The following TRDN variants were observed in gnomAD, a reference collection of about 807,000 sequenced individuals.
TRDN encodes the protein triadin in skeletal muscle.
Under a neutral mutation model 149.7 loss-of-function variants are expected in TRDN, and 161 were observed. That is an observed-to-expected ratio of 1.08 (90% CI 0.95 to 1.23). TRDN has a LOEUF of 1.23. TRDN is among the 50% of genes most tolerant of loss of function. The pLI, the probability that TRDN is intolerant of heterozygous loss-of-function variation, is 0.00. For synonymous variants in TRDN, 294 were observed against 250.5 expected, an observed-to-expected ratio of 1.17 and a Z score of -1.64; for missense variants, 896 against 823.5, an observed-to-expected ratio of 1.09 and a Z score of -1.08.
intron 24 of TRDN, among the ~76,000 whole-genome samples, chr6:123,311,742 G>A (rs1778830712): frequency 6.6e-6 from 1 of 151,976 alleles, no homozygotes; most frequent in South Asian, 2.1e-4. Context: ...TATTATTGAA[G>A]ATGTCATCTT....
At chr6:123,607,459 T>G (rs977210475) in intron 1 of TRDN, among the ~76,000 whole-genome samples, 1 of 152,198 alleles carries the variant, frequency 6.6e-6, no homozygotes, top group Non-Finnish European at 1.5e-5. Flanking sequence ...CAGATTACAT[T>G]AATTTAGAAG....
intron 18 of TRDN, 79 bp from the exon 19 acceptor site, chr6:123,375,710 C>A: frequency 1.7e-6 from 2 of 1,154,598 alleles, no homozygotes; most frequent in Non-Finnish European, 1.2e-6. Flanking sequence ...GTAAGGTTAT[C>A]TTAATTGTTT....
chr6:123,524,152 T>C (rs543676227), intron 5 of TRDN, among the ~76,000 whole-genome samples: 1 of 152,112 alleles, frequency 6.6e-6, no homozygotes. Context: ...CTGGCAACAA[T>C]GGCTTCTAGA....
At chr6:123,485,406 T>A (rs537446866) in intron 9 of TRDN, among the ~76,000 whole-genome samples, 1 of 152,188 alleles carries the variant, frequency 6.6e-6, no homozygotes, top group African/African-American at 2.4e-5. Flanking sequence ...GATCATCAAA[T>A]TTTTTTTCAT....
intron 1 of TRDN, among the ~76,000 whole-genome samples, chr6:123,635,842 T>G (rs1044497274): frequency 6.6e-6 from 1 of 151,958 alleles, no homozygotes. Context: ...AACCAGACTG[T>G]GTCTGTATTC....
At position 123,304,318 on chromosome 6, in the gene TRDN, T is replaced by A. The variant is rs186575555; in HGVS notation, c.1510+12139A>T. Among the ~76,000 whole-genome samples, 514 of 149,166 alleles carry A rather than the reference T, an allele frequency of 3.4e-3. 4 individuals are homozygous for A. Among genetic ancestry groups the A allele is most frequent in the Non-Finnish European group, 6.4e-3 (431 of 67,378 alleles). On this transcript the variant is annotated intron_variant, in intron 24 of 40. Transcript: ENST00000334268. ...GCCAGACTGGAGTGCAGTGGCGCCA[T>A]CTCAGCTCACTGCAACCTCCGCCTC...
At chr6:123,450,876 G>T (rs1380599095) in intron 10 of TRDN, among the ~76,000 whole-genome samples, 1 of 151,948 alleles carries the variant, frequency 6.6e-6, no homozygotes, top group Non-Finnish European at 1.5e-5. Context: ...ATAAATTTAA[G>T]AAAACTGAAA....
chr6:123,601,349 G>T (rs1784265332), intron 1 of TRDN, among the ~76,000 whole-genome samples: 1 of 152,104 alleles, frequency 6.6e-6, no homozygotes, highest in Admixed American at 6.6e-5. Context: ...AAGAAACTCA[G>T]AGTGATATGT....
chr6:123,227,733 G>C (rs929480658), intron 38 of TRDN, among the ~76,000 whole-genome samples: 1 of 134,764 alleles, frequency 7.4e-6, no homozygotes, highest in African/African-American at 2.7e-5. Context: ...TTGTTTGTTT[G>C]TTTGTTTGTT....
chr6:123,266,416 A>ATATTAT (rs1776980318), intron 32 of TRDN, among the ~76,000 whole-genome samples: 10 of 92,080 alleles, frequency 1.1e-4, no homozygotes, highest in Non-Finnish European at 1.2e-4. Context: ...TATAATATAT[A>ATATTAT]GATTATGATA....
chr6:123,577,453 C>T (rs1782914244), intron 1 of TRDN, among the ~76,000 whole-genome samples: 1 of 152,110 alleles, frequency 6.6e-6, no homozygotes, highest in Non-Finnish European at 1.5e-5. Flanking sequence ...GCAGCTCCAT[C>T]CATGTTCCCA....
At chr6:123,247,016 A>G (rs879062529) in intron 38 of TRDN, among the ~76,000 whole-genome samples, 1 of 152,206 alleles carries the variant, frequency 6.6e-6, no homozygotes, top group Non-Finnish European at 1.5e-5. Flanking sequence ...TGATTATCTC[A>G]ATAGATGCGG....
rs961087955 is a variant in TRDN, at chr6:123,464,609, G to T, written c.931+297C>A. The T allele has an allele frequency of 4.7e-6, 5 of 1,068,734 alleles. No individual in the cohort carries two copies. The Admixed American group carries it at 2.5e-4, about 53-fold the overall frequency. 66.2% of individuals were successfully genotyped at this position (1,068,734 alleles called of 1,614,324 possible). A position where few individuals can be genotyped will look rare whatever the true frequency, so the allele number is the denominator to read the frequency against. On this transcript the variant is annotated intron_variant, in intron 10 of 40. Coordinates refer to ENST00000334268, the MANE Select transcript of TRDN (RefSeq NM_006073.4). ...ATCAAGTTGTGGTAAAACTCCCAGAGTTGCAAGGCATAGCCTTATCTATTT... is the reference window on the plus strand; with the variant it reads ...ATCAAGTTGTGGTAAAACTCCCAGATTTGCAAGGCATAGCCTTATCTATTT...
intron 2 of TRDN, among the ~76,000 whole-genome samples, chr6:123,563,714 C>T (rs1172645433): frequency 6.6e-6 from 1 of 152,188 alleles, no homozygotes; most frequent in East Asian, 1.9e-4. Flanking sequence ...AGAGATAATA[C>T]AGCAATTAAC....
rs1781592769 is a variant in TRDN at position 123,555,361 on chromosome 6, C to CA, written c.233-6750dup. Among the ~76,000 whole-genome samples, 3 of 151,926 alleles carry CA rather than the reference C, an allele frequency of 2.0e-5. No individual in the cohort carries two copies. In the South Asian group the frequency reaches 6.2e-4, roughly 32 times the overall value. On this transcript the variant is annotated intron_variant, in intron 2 of 40. Transcript: ENST00000334268. Reference sequence around the variant, plus strand: ...TTTTATTTCAAATTGAAAGTAAAGACAAAATTAGAGACATAAGTAAAACAT... The same window carrying CA: ...TTTTATTTCAAATTGAAAGTAAAGACAAAAATTAGAGACATAAGTAAAACAT...
chr6:123,632,694 T>C (rs1344270696), intron 1 of TRDN, among the ~76,000 whole-genome samples: 1 of 152,048 alleles, frequency 6.6e-6, no homozygotes, highest in Non-Finnish European at 1.5e-5. Flanking sequence ...CATCCCTTTG[T>C]ACCCCCAGCT....
intron 19 of TRDN, among the ~76,000 whole-genome samples, chr6:123,374,321 C>A (rs1443929504): frequency 6.6e-6 from 1 of 151,980 alleles, no homozygotes; most frequent in Non-Finnish European, 1.5e-5. Context: ...AGAAGATTTT[C>A]ATTTTCAGAG....
chr6:123,457,078 C>A (rs1776172008), intron 10 of TRDN, among the ~76,000 whole-genome samples: 2 of 152,192 alleles, frequency 1.3e-5, no homozygotes, highest in Non-Finnish European at 2.9e-5. Context: ...GAGATTAGAT[C>A]AAATTCGCTC....
chr6:123,605,610 A>T lies in TRDN; in HGVS notation c.22+31144T>A, dbSNP rs1208238148. Among the ~76,000 whole-genome samples the T allele has an allele frequency of 2.0e-5, 3 of 151,614 alleles. No homozygotes were observed. In the East Asian group the frequency reaches 5.8e-4, roughly 29 times the overall value. ...AAACCCTCTCTACAAAAAAAAAAAA[A>T]AAATATTAGCCAAGTGTGGTTGTAT... On this transcript the variant is annotated intron_variant, in intron 1 of 40. Transcript: ENST00000334268.
Sources: gnomAD v4.1 joint callset for allele counts (sites outside exome capture counted in the v4.1 genomes callset) on GRCh38, gnomAD v4.1.1 for gene constraint, MANE v1.5 for transcripts, NCBI Gene and HGNC (gene_info 2026-07-23, HGNC 2026-07-21) for gene names.